Variants in SPATA6L observed in about 807,000 individuals in gnomAD.
SPATA6L encodes spermatogenesis associated 6-like protein.
A neutral mutation model predicts 49.2 loss-of-function variants in SPATA6L; 68 were observed. The observed-to-expected ratio is 1.38, with a 90% CI of 1.14 to 1.69. The LOEUF is 1.69. Ranked by LOEUF, SPATA6L falls within the 40% of genes most tolerant of loss-of-function variation. The pLI, the probability that SPATA6L is intolerant of heterozygous loss-of-function variation, is 0.00. For synonymous variants in SPATA6L, 198 were observed against 165.7 expected (o/e 1.19, Z -1.50); for missense variants, 668 against 464.3 (o/e 1.44, Z -4.03).
At chr9:4,642,057 C>G (rs1457452306) in intron 3 of SPATA6L, among the ~76,000 whole-genome samples, 1 of 152,224 alleles carries the variant, frequency 6.6e-6, no homozygotes, top group Non-Finnish European at 1.5e-5. Context: ...CGCAAGCCAC[C>G]ATACCTGGCC....
At chr9:4,664,810 A>G (rs1587591444) in intron 1 of SPATA6L, 1 of 167,250 alleles carries the variant, frequency 6.0e-6, no homozygotes, top group Middle Eastern at 3.4e-3. Flanking sequence ...TGAGGGGCAT[A>G]GTGAAAAAGG....
rs1832812974 is a variant in SPATA6L, at chr9:4,636,372, A to G, written c.227-973T>C. ...TTACAGTGACTTGTATAAGTTGATTATATTAACTACAAATATTTTCAGTAT... is the reference window on the plus strand; with the variant it reads ...TTACAGTGACTTGTATAAGTTGATTGTATTAACTACAAATATTTTCAGTAT... On this transcript the variant is annotated intron_variant, in intron 3 of 11. Coordinates refer to ENST00000682582, the MANE Select transcript of SPATA6L (RefSeq NM_001353486.2). Among the ~76,000 whole-genome samples the G allele has an allele frequency of 2.0e-5, 3 of 152,216 alleles. 1 individual carries two copies. The highest frequency in any genetic ancestry group is 2.0e-4 in the Admixed American group (3 of 15,276).
intron 3 of SPATA6L, among the ~76,000 whole-genome samples, chr9:4,653,601 C>T (rs1837406925): frequency 6.6e-6 from 1 of 152,144 alleles, no homozygotes; most frequent in African/African-American, 2.4e-5. Flanking sequence ...TGCAAATCAT[C>T]TATCTAACAA....
downstream of SPATA6L, chr9:4,596,315 A>G (rs34345944): frequency 0.23 from 35,456 of 152,038 alleles, 4,800 homozygotes; most frequent in East Asian, 0.39. Flanking sequence ...TGTTAACTGC[A>G]GGGCTGGGAG....
In SPATA6L at chr9:4,662,149, A is replaced by G. The variant is rs900628403; in HGVS notation, c.40-113T>C. On this transcript the variant is annotated intron_variant, in intron 1 of 11. Coordinates refer to ENST00000682582, the MANE Select transcript of SPATA6L (RefSeq NM_001353486.2). The surrounding 1 kb of genome is among the most constrained non-coding windows in gnomAD (Gnocchi z 4.9). Reference sequence around the variant, plus strand: ...TACAGACACTGACATTTTCCCCATCACCTCACTCCCTCACCTGTACCTCCC... The same window carrying G: ...TACAGACACTGACATTTTCCCCATCGCCTCACTCCCTCACCTGTACCTCCC... 3.1e-5 allele frequency: 46 copies of G among 1,483,546 alleles called. No individual in the cohort carries two copies. The Middle Eastern group carries it at 5.9e-4, about 19-fold the overall frequency. The allele number at this position is 1,483,546 out of a possible 1,614,324, so 91.9% of individuals were successfully genotyped here.
At chr9:4,629,767 G>GTATATATATATATATATATATA (rs1423783733) in intron 4 of SPATA6L, among the ~76,000 whole-genome samples, 2 of 88,894 alleles carry the variant, frequency 2.2e-5, no homozygotes, top group African/African-American at 1.3e-4. Context: ...GTGTGTGTGT[G>GTATATATATATATATATATATA]TGTATATATA....
chr9:4,648,278 G>A (rs1835892039), intron 3 of SPATA6L, among the ~76,000 whole-genome samples: 1 of 152,172 alleles, frequency 6.6e-6, no homozygotes, highest in Admixed American at 6.5e-5. Context: ...CAAAATGAGA[G>A]GAGGGAATAT....
At chr9:4,623,104 A>G (rs909480883) in intron 6 of SPATA6L, among the ~76,000 whole-genome samples, 1 of 151,932 alleles carries the variant, frequency 6.6e-6, no homozygotes, top group African/African-American at 2.4e-5. Flanking sequence ...GCATGGAGAA[A>G]CCCCGTCTCT....
intron 3 of SPATA6L, among the ~76,000 whole-genome samples, chr9:4,646,719 T>G (rs1835462495): frequency 6.6e-6 from 1 of 152,076 alleles, no homozygotes; most frequent in Admixed American, 6.5e-5. Context: ...GGAATGAGAA[T>G]AACAGAATTA....
chr9:4,601,681 G>C (rs924413433), intron 11 of SPATA6L, among the ~76,000 whole-genome samples: 6 of 152,164 alleles, frequency 3.9e-5, no homozygotes, highest in African/African-American at 1.2e-4. Flanking sequence ...TATGGAGAAG[G>C]GGAGGGACAG....
At chr9:4,606,188 A>T (rs1047130090) in intron 9 of SPATA6L, among the ~76,000 whole-genome samples, 29 of 151,148 alleles carry the variant, frequency 1.9e-4, no homozygotes, top group Non-Finnish European at 3.1e-4. Context: ...CAGCAGTCTG[A>T]GATCAAACTG....
intron 3 of SPATA6L, among the ~76,000 whole-genome samples, 179 bp from the exon 4 acceptor site, chr9:4,635,578 T>C (rs1316731254): frequency 6.6e-6 from 1 of 152,218 alleles, no homozygotes; most frequent in Non-Finnish European, 1.5e-5. Context: ...TGGATAATTT[T>C]TTAAAGCCTT....
Position 4,665,554 on chromosome 9 carries a change from T to C in SPATA6L, c.39+658A>G, listed in dbSNP as rs1017025939. On this transcript the variant is annotated intron_variant, in intron 1 of 11. Transcript: ENST00000682582. Reference sequence around the variant, plus strand: ...GCACTGTGCTTGTAATCATAGCCAGTAGAAAAGCCCCTAGAGGAAAAGCGG... The same window carrying C: ...GCACTGTGCTTGTAATCATAGCCAGCAGAAAAGCCCCTAGAGGAAAAGCGG... Among the ~76,000 whole-genome samples the C allele has an allele frequency of 3.3e-5, 5 of 152,280 alleles. No individual in the cohort carries two copies. The East Asian group carries it at 9.6e-4, about 29-fold the overall frequency.
chr9:4,654,897 T>G (rs1202917966), intron 3 of SPATA6L, among the ~76,000 whole-genome samples: 1 of 152,164 alleles, frequency 6.6e-6, no homozygotes, highest in African/African-American at 2.4e-5. Flanking sequence ...TGTCCTCACC[T>G]AGGTCTGTGG....
At chr9:4,622,326 G>A in intron 7 of SPATA6L, 82 bp downstream of exon 7, 6 of 840,726 alleles carry the variant, frequency 7.1e-6, no homozygotes, top group Admixed American at 4.0e-5. Flanking sequence ...CATCACCTGT[G>A]ATTCCTCAGA....
At chr9:4,626,865 A>T (rs1830446687) in intron 5 of SPATA6L, 1 of 197,534 alleles carries the variant, frequency 5.1e-6, no homozygotes, top group African/African-American at 2.3e-5. Flanking sequence ...TTAAGTAAAA[A>T]AAAGAAGGGT....
chr9:4,595,121 G>C (rs1822157919), downstream of SPATA6L, among the ~76,000 whole-genome samples: 1 of 152,146 alleles, frequency 6.6e-6, no homozygotes, highest in African/African-American at 2.4e-5. Flanking sequence ...TATTTCTGCA[G>C]GGCAATTATT....
At chr9:4,653,208 C>T (rs568173774) in intron 3 of SPATA6L, among the ~76,000 whole-genome samples, 2 of 152,218 alleles carry the variant, frequency 1.3e-5, no homozygotes, top group Non-Finnish European at 2.9e-5. Context: ...TAAACCCTCA[C>T]ATTACTGTAA....
At chr9:4,656,153 T>C (rs1220944829) in intron 2 of SPATA6L, 64 bp from the exon 3 acceptor site, 1 of 1,389,968 alleles carries the variant, frequency 7.2e-7, no homozygotes, top group Non-Finnish European at 1.0e-6. Flanking sequence ...ATAGAAACTG[T>C]AAATGCCAGG....
Sources: gnomAD v4.1 joint callset for allele counts (sites outside exome capture counted in the v4.1 genomes callset) on GRCh38, gnomAD v4.1.1 for gene constraint, Gnocchi (gnomAD v3.1) non-coding constraint, MANE v1.5 for transcripts, NCBI Gene and HGNC (gene_info 2026-07-23, HGNC 2026-07-21) for gene names.